The following CLYBL variants were observed in gnomAD, a reference collection of about 807,000 sequenced individuals.
CLYBL encodes citramalyl-CoA lyase.
CLYBL carries 31 observed loss-of-function variants against 38.9 expected under a neutral mutation model. That is an observed-to-expected ratio of 0.80 (90% CI 0.60 to 1.08). The LOEUF is 1.08. Ranked by LOEUF, CLYBL falls within the 50% of genes least tolerant of loss-of-function variation. The pLI, the probability that CLYBL is intolerant of heterozygous loss-of-function variation, is 0.00. For missense variants in CLYBL, 434 were observed against 411.6 expected (o/e 1.05, Z -0.47); for synonymous variants, 171 against 158.6 (o/e 1.08, Z -0.59).
At chr13:99,891,734 ATC>A in intron 8 of CLYBL, 1 of 232,068 alleles carries the variant, frequency 4.3e-6, no homozygotes, top group Non-Finnish European at 8.4e-6. Context: ...AATGAAATGG[ATC>A]TTTCCCAAAT....
At position 99,758,734 on chromosome 13, in the gene CLYBL, C is replaced by T. The variant is rs566310802; in HGVS notation, c.63-14090C>T. Among the ~76,000 whole-genome samples the T allele has an allele frequency of 3.9e-5, 6 of 152,300 alleles. No individual in the cohort carries two copies. The South Asian group carries it at 1.2e-3, about 32-fold the overall frequency. ...CAGAGTCTGCAACAGAACCTGAAGC[C>T]CCAATCCTCCTTATACGTTTCTTCT... On this transcript the variant is annotated intron_variant, in intron 1 of 8. Coordinates refer to ENST00000339105, the MANE Select transcript of CLYBL (RefSeq NM_206808.5).
chr13:99,666,951 G>A (rs1178478191), intron 1 of CLYBL, among the ~76,000 whole-genome samples: 4 of 152,100 alleles, frequency 2.6e-5, no homozygotes, highest in Non-Finnish European at 5.9e-5. Flanking sequence ...GGAAAGCAGT[G>A]GATGCCTCTC....
At chr13:99,817,324 G>A (rs1360052948) in intron 2 of CLYBL, among the ~76,000 whole-genome samples, 2 of 152,130 alleles carry the variant, frequency 1.3e-5, no homozygotes, top group East Asian at 1.9e-4. Flanking sequence ...GGGGAGGAGA[G>A]TGGAGGAGAG....
chr13:99,800,253 G>A (rs2050105509), intron 2 of CLYBL, among the ~76,000 whole-genome samples: 1 of 152,166 alleles, frequency 6.6e-6, no homozygotes, highest in African/African-American at 2.4e-5. Flanking sequence ...ATTGGTTCAG[G>A]CCAGACCACA....
intron 7 of CLYBL, among the ~76,000 whole-genome samples, chr13:99,881,589 ATT>A (rs1017589977): frequency 5.1e-5 from 7 of 136,176 alleles, no homozygotes; most frequent in Admixed American, 7.4e-5. Flanking sequence ...CATCCAGTTA[ATT>A]TTTTTTTTTT....
At position 99,635,996 on chromosome 13, in the gene CLYBL, A is replaced by G. The variant is rs1348205095; in HGVS notation, c.62+29239A>G. On this transcript the variant is annotated intron_variant, in intron 1 of 8. Coordinates refer to ENST00000339105, the MANE Select transcript of CLYBL (RefSeq NM_206808.5). ...AAATGTTTTTCTCTCCCATTAGACTATACATTCTTTGAGACCAGCAGTGCT... is the reference window on the plus strand; with the variant it reads ...AAATGTTTTTCTCTCCCATTAGACTGTACATTCTTTGAGACCAGCAGTGCT... 2.0e-5 allele frequency among the ~76,000 whole-genome samples: 3 copies of G among 152,170 alleles called. No homozygotes were observed. The South Asian group carries it at 6.2e-4, about 32-fold the overall frequency.
At chr13:99,837,097 C>T (rs549506363) in intron 2 of CLYBL, among the ~76,000 whole-genome samples, 2 of 152,122 alleles carry the variant, frequency 1.3e-5, no homozygotes, top group East Asian at 1.9e-4. Flanking sequence ...ATATCATTGT[C>T]TTCCTGCTCA....
At chr13:99,856,545 A>G (rs938984375) in intron 2 of CLYBL, among the ~76,000 whole-genome samples, 1 of 152,186 alleles carries the variant, frequency 6.6e-6, no homozygotes, top group Admixed American at 6.5e-5. Flanking sequence ...TTGTAGCTGC[A>G]TAGGCTACAC....
intron 1 of CLYBL, among the ~76,000 whole-genome samples, chr13:99,611,527 G>T (rs2046626506): frequency 6.6e-6 from 1 of 152,160 alleles, no homozygotes; most frequent in Non-Finnish European, 1.5e-5. Flanking sequence ...TGTTTGGATT[G>T]CATGTGCTAA....
intron 2 of CLYBL, among the ~76,000 whole-genome samples, chr13:99,797,127 T>C (rs1256167867): frequency 5.9e-5 from 9 of 152,204 alleles, no homozygotes; most frequent in Admixed American, 5.9e-4. Context: ...TATTTTATAT[T>C]TGTCATGCCC....
At chr13:99,716,787 CTTTTTTTTT>C (rs1260332084) in intron 1 of CLYBL, among the ~76,000 whole-genome samples, 1 of 100,918 alleles carries the variant, frequency 9.9e-6, no homozygotes, top group Non-Finnish European at 2.1e-5. Flanking sequence ...CTTTTCTTTT[CTTTTTTTTT>C]TTTTTTTTTT....
At chr13:99,847,605 A>G (rs1291244441) in intron 2 of CLYBL, among the ~76,000 whole-genome samples, 2 of 152,186 alleles carry the variant, frequency 1.3e-5, no homozygotes, top group Non-Finnish European at 2.9e-5. Flanking sequence ...TCCACATGCT[A>G]CCATACTGTT....
At chr13:99,666,021 T>C (rs2047476187) in intron 1 of CLYBL, among the ~76,000 whole-genome samples, 2 of 152,152 alleles carry the variant, frequency 1.3e-5, no homozygotes, top group Non-Finnish European at 2.9e-5. Flanking sequence ...GGGAGGGCTT[T>C]ACTGAGGGTT....
intron 1 of CLYBL, among the ~76,000 whole-genome samples, chr13:99,659,978 G>A (rs1241979561): frequency 6.6e-6 from 1 of 152,068 alleles, no homozygotes; most frequent in Non-Finnish European, 1.5e-5. Flanking sequence ...GGCCACACAC[G>A]CATTTTTAAA....
At chr13:99,642,200 G>A (rs1351251985) in intron 1 of CLYBL, among the ~76,000 whole-genome samples, 1 of 152,096 alleles carries the variant, frequency 6.6e-6, no homozygotes, top group Non-Finnish European at 1.5e-5. Context: ...TGCAGGGGGC[G>A]GTGGCCTCAG....
At chr13:99,722,589 A>G (rs1448658317) in intron 1 of CLYBL, among the ~76,000 whole-genome samples, 1 of 152,200 alleles carries the variant, frequency 6.6e-6, no homozygotes, top group African/African-American at 2.4e-5. Flanking sequence ...GAATGAATGA[A>G]TGCATTTTTC....
At chr13:99,658,155 C>T (rs184661380) in intron 1 of CLYBL, among the ~76,000 whole-genome samples, 12 of 152,368 alleles carry the variant, frequency 7.9e-5, no homozygotes, top group Admixed American at 7.2e-4. Flanking sequence ...TGCGTGCGCT[C>T]TGCAGAGCAA....
intron 2 of CLYBL, among the ~76,000 whole-genome samples, chr13:99,813,269 GTATC>G: frequency 6.6e-6 from 1 of 152,272 alleles, no homozygotes; most frequent in Middle Eastern, 3.4e-3. Flanking sequence ...GCAAACATGA[GTATC>G]TAAACATATC....
intron 1 of CLYBL, among the ~76,000 whole-genome samples, chr13:99,662,822 T>A (rs2047428955): frequency 6.6e-6 from 1 of 152,256 alleles, no homozygotes; most frequent in Non-Finnish European, 1.5e-5. Context: ...GCTTGAGCAC[T>A]TTCCTTGTTC....
Sources: gnomAD v4.1 joint callset for allele counts (sites outside exome capture counted in the v4.1 genomes callset) on GRCh38, gnomAD v4.1.1 for gene constraint, MANE v1.5 for transcripts, NCBI Gene and HGNC (gene_info 2026-07-23, HGNC 2026-07-21) for gene names.